HIPK3: variants seen among roughly 807,000 people sequenced by gnomAD.
The protein encoded by HIPK3 is homeodomain-interacting protein kinase 3.
Under a neutral mutation model 124.2 loss-of-function variants are expected in HIPK3, and 47 were observed. The observed-to-expected ratio is 0.38, with a 90% CI of 0.30 to 0.48. The LOEUF is 0.48. HIPK3 is among the 20% of genes least tolerant of loss of function. The pLI, the probability that HIPK3 is intolerant of heterozygous loss-of-function variation, is 0.98. For missense variants in HIPK3, 1,286 were observed against 1,454.3 expected (o/e 0.88, Z 1.88); for synonymous variants, 482 against 515.2 (o/e 0.94, Z 0.87).
In HIPK3 at chr11:33,318,109, T is replaced by G. The variant is rs1852558136; in HGVS notation, c.1098-10401T>G. Among the ~76,000 whole-genome samples the G allele has an allele frequency of 2.0e-5, 3 of 152,232 alleles. No homozygotes were observed. In the South Asian group the frequency reaches 6.2e-4, roughly 31 times the overall value. On this transcript the variant is annotated intron_variant, in intron 2 of 16. Coordinates refer to ENST00000303296, the MANE Select transcript of HIPK3 (RefSeq NM_005734.5). ...TAAATATGTTATATTTTACATTTCC[T>G]GATTAGTTTTAAAATCAAAGGTGAT... is the stretch of plus-strand genomic sequence containing the variant.
At chr11:33,322,448 G>T (rs1369655245) in intron 2 of HIPK3, among the ~76,000 whole-genome samples, 1 of 152,150 alleles carries the variant, frequency 6.6e-6, no homozygotes, top group Admixed American at 6.5e-5. Context: ...TGGCCTAGAG[G>T]TTTGAAAAAT....
intron 2 of HIPK3, among the ~76,000 whole-genome samples, chr11:33,288,228 G>C (rs747964602): frequency 2.6e-5 from 4 of 152,148 alleles, no homozygotes; most frequent in Non-Finnish European, 5.9e-5. Flanking sequence ...TGAGGCGGGT[G>C]GATGACCTGA....
At chr11:33,267,339 C>T (rs1850995297) in intron 1 of HIPK3, among the ~76,000 whole-genome samples, 1 of 151,878 alleles carries the variant, frequency 6.6e-6, no homozygotes, top group African/African-American at 2.4e-5. Context: ...TTTGGAACTC[C>T]TGACCTCAGG....
chr11:33,270,794 TA>T (rs1245940531), intron 1 of HIPK3, among the ~76,000 whole-genome samples: 6 of 151,844 alleles, frequency 4.0e-5, no homozygotes, highest in African/African-American at 1.5e-4. Flanking sequence ...TGTCTCTAAT[TA>T]AAAAAAGAAT....
At chr11:33,260,184 G>T (rs1313826089) in intron 1 of HIPK3, among the ~76,000 whole-genome samples, 1 of 152,046 alleles carries the variant, frequency 6.6e-6, no homozygotes, top group African/African-American at 2.4e-5. Flanking sequence ...TTAACTTTTT[G>T]GATACCATAA....
Position 33,300,407 on chromosome 11 carries a change from T to G in HIPK3, c.1097+12896T>G, listed in dbSNP as rs564382988. On this transcript the variant is annotated intron_variant, in intron 2 of 16. Transcript: ENST00000303296. ...CTTCAGCAACCACCATCCTGATTGG[T>G]CAGCAGCCATCAACATTAAGGTGAG... Among the ~76,000 whole-genome samples the G allele has an allele frequency of 3.0e-4, 46 of 151,502 alleles. No homozygotes were observed. In the South Asian group the frequency reaches 9.6e-3, roughly 32 times the overall value.
At chr11:33,341,448 C>A in intron 7 of HIPK3, 115 bp from the exon 8 acceptor site, 1 of 1,080,862 alleles carries the variant, frequency 9.3e-7, no homozygotes, top group Non-Finnish European at 1.3e-6. Context: ...TTCTCATTTT[C>A]TGGACACATT....
chr11:33,291,162 G>A (rs1851688290), intron 2 of HIPK3, among the ~76,000 whole-genome samples: 1 of 152,086 alleles, frequency 6.6e-6, no homozygotes, highest in Admixed American at 6.5e-5. Context: ...CCACTACTCT[G>A]TTTAAGTATT....
At chr11:33,257,977 T>G in intron 1 of HIPK3, 88 bp downstream of exon 1, 1 of 964,160 alleles carries the variant, frequency 1.0e-6, no homozygotes, top group Non-Finnish European at 1.2e-6. Flanking sequence ...ACCCCAAGCC[T>G]GACCCGGGCC....
rs188450836 is a variant in HIPK3 at position 33,271,109 on chromosome 11, T to C, written c.-3+13220T>C. On this transcript the variant is annotated intron_variant, in intron 1 of 16. Transcript: ENST00000303296. Reference sequence around the variant, plus strand: ...TTCCAGGTAAATGATACTGCCTTAGTGGTAATTTTTATTCACTCAAATTGC... The same window carrying C: ...TTCCAGGTAAATGATACTGCCTTAGCGGTAATTTTTATTCACTCAAATTGC... 1.6e-4 allele frequency among the ~76,000 whole-genome samples: 25 copies of C among 152,320 alleles called. No individual in the cohort carries two copies. In the East Asian group the frequency reaches 4.4e-3, roughly 27 times the overall value.
intron 1 of HIPK3, among the ~76,000 whole-genome samples, chr11:33,281,151 C>T (rs573575908): frequency 6.8e-6 from 1 of 147,634 alleles, no homozygotes; most frequent in East Asian, 2.1e-4. Flanking sequence ...CTCACTGCAA[C>T]CTCCACCTCC....
intron 1 of HIPK3, among the ~76,000 whole-genome samples, chr11:33,267,381 G>T (rs1230580642): frequency 6.6e-6 from 1 of 152,112 alleles, no homozygotes; most frequent in Non-Finnish European, 1.5e-5. Context: ...CCAAAGTGTT[G>T]GGATTACAGG....
chr11:33,286,609 G>A lies in HIPK3; in HGVS notation c.195G>A (p.Lys65=), dbSNP rs758681645. The A allele has an allele frequency of 6.2e-7, 1 of 1,614,114 alleles. No individual in the cohort carries two copies. The highest frequency in any genetic ancestry group is 1.1e-5 in the South Asian group (1 of 91,080). The change falls in exon 2 of 17, where the codon AAG becomes AAA. Residue 65 remains lysine, a synonymous_variant. Transcript: ENST00000303296. Reference sequence around the variant, plus strand: ...CTAAGGGTAGTGCTTTTCAGACAAAGATACCATTTAATAGACCTCGAGGAC... The same window carrying A: ...CTAAGGGTAGTGCTTTTCAGACAAAAATACCATTTAATAGACCTCGAGGAC... The part of the protein sequence containing the change: ...PPTKGSAFQT[K]IPFNRPRGHN...
intron 1 of HIPK3, chr11:33,258,712 CTGT>C (rs1313121539): frequency 3.0e-6 from 3 of 985,200 alleles, no homozygotes; most frequent in East Asian, 1.1e-4. Context: ...TCGGGGAATC[CTGT>C]TGTTCCCGTC....
chr11:33,282,563 A>G (rs1051405222), intron 1 of HIPK3, among the ~76,000 whole-genome samples: 2 of 152,048 alleles, frequency 1.3e-5, no homozygotes, highest in African/African-American at 4.8e-5. Flanking sequence ...GGTGCCTGTA[A>G]TCCCAGCCAC....
intron 2 of HIPK3, among the ~76,000 whole-genome samples, chr11:33,289,047 A>G (rs1324375877): frequency 6.6e-6 from 1 of 152,192 alleles, no homozygotes; most frequent in Non-Finnish European, 1.5e-5. Flanking sequence ...ATAAAGGAGA[A>G]ATTAATTAAC....
At chr11:33,295,277 G>GCCCCCCCCCCC (rs34093915) in intron 2 of HIPK3, among the ~76,000 whole-genome samples, 4 of 106,632 alleles carry the variant, frequency 3.8e-5, no homozygotes, top group Admixed American at 1.0e-4. Flanking sequence ...AGCCACCACC[G>GCCCCCCCCCCC]CCCCCCCCCC....
At chr11:33,297,285 G>A (rs1249610490) in intron 2 of HIPK3, among the ~76,000 whole-genome samples, 1 of 152,006 alleles carries the variant, frequency 6.6e-6, no homozygotes, top group Admixed American at 6.6e-5. Flanking sequence ...GTAGAGACGG[G>A]GCTTCGCCAT....
At chr11:33,291,918 C>A (rs1277722591) in intron 2 of HIPK3, among the ~76,000 whole-genome samples, 1 of 151,990 alleles carries the variant, frequency 6.6e-6, no homozygotes, top group Non-Finnish European at 1.5e-5. Flanking sequence ...TAATAGTTAA[C>A]AAAAAGGTAT....
Sources: gnomAD v4.1 joint callset for allele counts (sites outside exome capture counted in the v4.1 genomes callset) on GRCh38, gnomAD v4.1.1 for gene constraint, MANE v1.5 for transcripts, NCBI Gene and HGNC (gene_info 2026-07-23, HGNC 2026-07-21) for gene names.